The following RRAS2 variants were observed in gnomAD, a reference collection of about 807,000 sequenced individuals.
RRAS2 encodes RAS related 2, also known as ras-related protein R-Ras2.
In RRAS2, 7 loss-of-function variants were observed where a neutral mutation model predicts 27.6. The observed-to-expected ratio is 0.25, with a 90% CI of 0.14 to 0.48. RRAS2 has a LOEUF of 0.48. RRAS2 is among the 20% of genes least tolerant of loss of function. The probability of loss-of-function intolerance (pLI) is 0.99; values close to 1 mark genes in which losing one functional copy is unlikely to be tolerated. For synonymous variants in RRAS2, 86 were observed against 90.9 expected (o/e 0.95, Z 0.31); for missense variants, 178 against 256.2 (o/e 0.69, Z 2.08).
At chr11:14,311,582 G>C (rs1325434597) in intron 1 of RRAS2, among the ~76,000 whole-genome samples, 2 of 151,966 alleles carry the variant, frequency 1.3e-5, no homozygotes, top group East Asian at 3.9e-4. Flanking sequence ...GGCCAGGCTG[G>C]TCTTGAATTC....
At chr11:14,324,590 G>C (rs1253435529) in intron 1 of RRAS2, among the ~76,000 whole-genome samples, 1 of 152,122 alleles carries the variant, frequency 6.6e-6, no homozygotes. Flanking sequence ...AAATTTATAA[G>C]CAAGAAAATA....
Position 14,279,392 on chromosome 11 carries a change from G to C in RRAS2, c.560C>G (p.Pro187Arg). The C allele has an allele frequency of 1.9e-6, 3 of 1,612,666 alleles. No homozygotes were observed. The highest frequency in any genetic ancestry group is 2.5e-6 in the Non-Finnish European group (3 of 1,178,850). The change falls in exon 6 of 6, where the codon CCA (proline) becomes CGA (arginine). Residue 187 changes from proline to arginine, a missense_variant. Transcript: ENST00000256196. Reference sequence around the variant, plus strand: ...GTCTTTTTCTTTCCGTGTTGGTTCTGGTGAAGGAGGACATTCCTGCTCTTG... The same window carrying C: ...GTCTTTTTCTTTCCGTGTTGGTTCTCGTGAAGGAGGACATTCCTGCTCTTG... Reference protein sequence around the residue: ...KFQEQECPPSPEPTRKEKDKK... With the variant: ...KFQEQECPPSREPTRKEKDKK...
intron 1 of RRAS2, among the ~76,000 whole-genome samples, chr11:14,347,767 T>C (rs1181273560): frequency 1.3e-5 from 2 of 151,968 alleles, no homozygotes; most frequent in African/African-American, 2.4e-5. Flanking sequence ...CAGTGACCTG[T>C]CATCACACCA....
chr11:14,324,674 T>TA (rs1554950766), intron 1 of RRAS2, among the ~76,000 whole-genome samples: 2 of 152,180 alleles, frequency 1.3e-5, no homozygotes, highest in Non-Finnish European at 1.5e-5. Flanking sequence ...TCCCAGCACC[T>TA]AAAAAGTTCC....
chr11:14,358,105 T>C lies in RRAS2; in HGVS notation c.108+658A>G, dbSNP rs1849120889. 1 of 569,720 alleles carries C rather than the reference T, an allele frequency of 1.8e-6. No individual in the cohort carries two copies. The highest frequency in any genetic ancestry group is 2.2e-6 in the Non-Finnish European group (1 of 450,206). The allele number at this position is 569,720 out of a possible 1,614,324, so 35.3% of individuals were successfully genotyped here. A position where few individuals can be genotyped will look rare whatever the true frequency, so the allele number is the denominator to read the frequency against. The stretch of plus-strand genomic sequence containing the variant: ...GAAGCAGGACGGCATCAGGAATTCC[T>C]AGGAAATGGTCTCACCCCATCAGAG... On this transcript the variant is annotated intron_variant, in intron 1 of 5. Coordinates refer to ENST00000256196, the MANE Select transcript of RRAS2 (RefSeq NM_012250.6). This position sits in a 1 kb window ranked among gnomAD's most constrained non-coding sequence, Gnocchi z 5.1.
chr11:14,294,927 G>A lies in RRAS2; in HGVS notation c.197-65C>T, dbSNP rs141267468. The A allele has an allele frequency of 2.7e-4, 369 of 1,389,784 alleles. 2 individuals are homozygous for A. The African/African-American group carries it at 4.7e-3, about 18-fold the overall frequency. The allele number at this position is 1,389,784 out of a possible 1,614,324, so 86.1% of individuals were successfully genotyped here. On this transcript the variant is annotated intron_variant, in intron 2 of 5. Coordinates refer to ENST00000256196, the MANE Select transcript of RRAS2 (RefSeq NM_012250.6). ...ATAAACTGCTTCCCCACAAGGGCAA[G>A]ACCAATTAATGTGAGTCCTCTAGAG...
Position 14,281,605 on chromosome 11 carries a change from A to G in RRAS2, c.524T>C (p.Ile175Thr). The change falls in exon 5 of 6, where the codon ATC (isoleucine) becomes ACC (threonine). Residue 175 changes from isoleucine (I) to threonine (T), a missense_variant. Transcript: ENST00000256196. ...DQAFHELVRVIRKFQEQECPP... is the reference protein window; with the variant it reads ...DQAFHELVRVTRKFQEQECPP... ...ATCTAGAATGTGTTTTGCTTACCTGATAACCCGGACAAGTTCATGGAAAGC... is the reference window on the plus strand; with the variant it reads ...ATCTAGAATGTGTTTTGCTTACCTGGTAACCCGGACAAGTTCATGGAAAGC... The G allele has an allele frequency of 1.9e-6, 3 of 1,598,228 alleles. 1 individual carries two copies. In the South Asian group the frequency reaches 3.4e-5, roughly 18 times the overall value.
At chr11:14,292,051 T>C (rs1847407785) in intron 4 of RRAS2, among the ~76,000 whole-genome samples, 1 of 152,214 alleles carries the variant, frequency 6.6e-6, no homozygotes, top group Non-Finnish European at 1.5e-5. Flanking sequence ...TGACATCACA[T>C]GACATCAGGT....
intron 4 of RRAS2, among the ~76,000 whole-genome samples, chr11:14,284,408 T>C (rs1398994987): frequency 6.6e-6 from 1 of 152,222 alleles, no homozygotes; most frequent in Non-Finnish European, 1.5e-5. Context: ...ACTAAAATCC[T>C]TTTAAATTTA....
At chr11:14,351,980 T>A (rs1554954857) in intron 1 of RRAS2, among the ~76,000 whole-genome samples, 1 of 152,048 alleles carries the variant, frequency 6.6e-6, no homozygotes, top group South Asian at 2.1e-4. Context: ...GGTGGCATCA[T>A]GTCTTCAACT....
chr11:14,315,530 A>T (rs12288022), intron 1 of RRAS2, among the ~76,000 whole-genome samples: 214 of 152,362 alleles, frequency 1.4e-3, no homozygotes, highest in Middle Eastern at 3.4e-3. Context: ...GGGATCCTGG[A>T]TCAGAAAAAG....
intron 1 of RRAS2, among the ~76,000 whole-genome samples, chr11:14,349,213 C>T (rs1209100926): frequency 6.7e-6 from 1 of 150,292 alleles, no homozygotes; most frequent in Non-Finnish European, 1.5e-5. Context: ...ACTGCAGTGG[C>T]GCGACTTGGC....
chr11:14,296,227 T>G (rs1554946603), intron 1 of RRAS2, among the ~76,000 whole-genome samples: 1 of 151,832 alleles, frequency 6.6e-6, no homozygotes, highest in African/African-American at 2.4e-5. Context: ...AAAATAAAAT[T>G]TATGATTACC....
chr11:14,325,448 C>T (rs925479565), intron 1 of RRAS2, among the ~76,000 whole-genome samples: 3 of 151,778 alleles, frequency 2.0e-5, no homozygotes, highest in African/African-American at 7.3e-5. Context: ...GGACTACAGG[C>T]GCCTGCCACG....
At chr11:14,351,063 C>T (rs1329666941) in intron 1 of RRAS2, among the ~76,000 whole-genome samples, 3 of 152,150 alleles carry the variant, frequency 2.0e-5, no homozygotes, top group Non-Finnish European at 4.4e-5. Context: ...AGTCAAAAGG[C>T]ATGTATGTGG....
At chr11:14,304,905 T>A (rs1489971652) in intron 1 of RRAS2, among the ~76,000 whole-genome samples, 3 of 152,240 alleles carry the variant, frequency 2.0e-5, no homozygotes, top group Non-Finnish European at 4.4e-5. Context: ...GTCAAATGTT[T>A]CCAATATGCT....
At chr11:14,332,957 T>C (rs1428003609) in intron 1 of RRAS2, among the ~76,000 whole-genome samples, 8 of 152,202 alleles carry the variant, frequency 5.3e-5, no homozygotes, top group African/African-American at 1.7e-4. Flanking sequence ...ACTTTTTTCT[T>C]ATAAAATAAT....
chr11:14,294,414 C>CA, intron 4 of RRAS2, 57 bp downstream of exon 4: 1 of 1,113,710 alleles, frequency 9.0e-7, no homozygotes, highest in Non-Finnish European at 1.3e-6. Context: ...TTAAATCTAT[C>CA]AGTTCACTCA....
At chr11:14,343,708 C>T (rs1848767745) in intron 1 of RRAS2, among the ~76,000 whole-genome samples, 2 of 150,098 alleles carry the variant, frequency 1.3e-5, no homozygotes, top group South Asian at 2.1e-4. Flanking sequence ...ATGGTGCACG[C>T]CTGTAGTCCC....
Sources: allele counts gnomAD v4.1 joint callset (sites outside exome capture counted in the v4.1 genomes callset), GRCh38; gene constraint gnomAD v4.1.1; non-coding constraint Gnocchi (gnomAD v3.1); transcripts MANE v1.5; gene names NCBI Gene and HGNC (gene_info 2026-07-23, HGNC 2026-07-21).